The following PLD5 variants were observed in gnomAD, a reference collection of about 807,000 sequenced individuals.
PLD5 encodes inactive phospholipase D5.
Under a neutral mutation model 61.1 loss-of-function variants are expected in PLD5, and 36 were observed. The ratio of observed to expected loss-of-function variants is 0.59; its 90% CI spans 0.45 to 0.78. The LOEUF (loss-of-function observed/expected upper bound fraction) is 0.78. PLD5 is among the 30% of genes least tolerant of loss of function. The probability of loss-of-function intolerance (pLI) is 0.00; values close to 1 mark genes in which losing one functional copy is unlikely to be tolerated. For missense variants in PLD5, 515 were observed against 644.4 expected, an observed-to-expected ratio of 0.80 and a Z score of 2.17; for synonymous variants, 243 against 242.8, an observed-to-expected ratio of 1.00 and a Z score of -0.01.
chr1:242,387,178 C>T (rs1156258470), intron 1 of PLD5, among the ~76,000 whole-genome samples: 1 of 152,168 alleles, frequency 6.6e-6, no homozygotes, highest in Non-Finnish European at 1.5e-5. Flanking sequence ...TTCATTCTCA[C>T]CAAAGTGTCC....
At position 242,200,795 on chromosome 1, in the gene PLD5, G is replaced by C. The variant is rs113016668; in HGVS notation, c.735+19193C>G. Among the ~76,000 whole-genome samples, 298 of 152,268 alleles carry C rather than the reference G, an allele frequency of 2.0e-3. 3 individuals carry two copies. Among genetic ancestry groups the C allele is most frequent in the African/African-American group, 6.7e-3 (277 of 41,544 alleles). On this transcript the variant is annotated intron_variant, in intron 5 of 9. Coordinates refer to ENST00000536534, the MANE Select transcript of PLD5 (RefSeq NM_001372062.1). ...AGCCTGTCCTGCATCTCACGCAGGG[G>C]TGCAAGTGAAGATTAAATGAATCAG...
At chr1:242,317,899 G>A (rs1171899781) in intron 2 of PLD5, among the ~76,000 whole-genome samples, 2 of 152,116 alleles carry the variant, frequency 1.3e-5, no homozygotes, top group African/African-American at 4.8e-5. Context: ...TTCAATGGGG[G>A]ATCAGTGACA....
Position 242,280,509 on chromosome 1 carries a change from T to C in PLD5, c.495+7853A>G, listed in dbSNP as rs556787900. ...TAGACGGTAGGAAGTTTGCATAATA[T>C]AGTAGAAATATGTATAAGCCCTCAG... On this transcript the variant is annotated intron_variant, in intron 3 of 9. Coordinates refer to ENST00000536534, the MANE Select transcript of PLD5 (RefSeq NM_001372062.1). 3.9e-5 allele frequency among the ~76,000 whole-genome samples: 6 copies of C among 152,308 alleles called. No homozygotes were observed. The East Asian group carries it at 9.6e-4, about 24-fold the overall frequency.
chr1:242,227,795 T>C (rs1654121982), intron 4 of PLD5, among the ~76,000 whole-genome samples: 1 of 152,160 alleles, frequency 6.6e-6, no homozygotes. Context: ...AGGACATGAC[T>C]GTGTTTGTGA....
chr1:242,314,347 T>G (rs977544529), intron 2 of PLD5, among the ~76,000 whole-genome samples: 3 of 152,222 alleles, frequency 2.0e-5, no homozygotes, highest in African/African-American at 7.2e-5. Context: ...CTATCCTCAC[T>G]GTTGACAAGC....
intron 1 of PLD5, among the ~76,000 whole-genome samples, chr1:242,513,142 A>C (rs1344513110): frequency 6.6e-6 from 1 of 152,120 alleles, no homozygotes; most frequent in Non-Finnish European, 1.5e-5. Context: ...AGCCTCCCAA[A>C]GTGCTGGGAT....
intron 2 of PLD5, among the ~76,000 whole-genome samples, chr1:242,297,691 C>T (rs796133723): frequency 7.1e-6 from 1 of 140,108 alleles, no homozygotes; most frequent in Non-Finnish European, 1.5e-5. Flanking sequence ...GGACTGCGGA[C>T]TGCAGTGGCG....
chr1:242,348,926 C>G (rs527758718), intron 1 of PLD5, among the ~76,000 whole-genome samples: 1 of 152,034 alleles, frequency 6.6e-6, no homozygotes, highest in Non-Finnish European at 1.5e-5. Flanking sequence ...TGGTGGCAGG[C>G]GCCTGTAATC....
At chr1:242,278,460 A>G (rs1391500605) in intron 3 of PLD5, among the ~76,000 whole-genome samples, 1 of 152,198 alleles carries the variant, frequency 6.6e-6, no homozygotes, top group Non-Finnish European at 1.5e-5. Flanking sequence ...CCATAGAAAT[A>G]TGTTGGAAAG....
chr1:242,093,179 G>A (rs1302837584), intron 9 of PLD5, among the ~76,000 whole-genome samples: 1 of 152,200 alleles, frequency 6.6e-6, no homozygotes, highest in Non-Finnish European at 1.5e-5. Flanking sequence ...CTGATCGTGT[G>A]CTCTTAGACA....
At chr1:242,111,911 A>G (rs1157560722) in intron 7 of PLD5, among the ~76,000 whole-genome samples, 1 of 152,196 alleles carries the variant, frequency 6.6e-6, no homozygotes, top group African/African-American at 2.4e-5. Flanking sequence ...ATTCTTTAAC[A>G]TTCATTTTGT....
intron 5 of PLD5, among the ~76,000 whole-genome samples, chr1:242,163,255 TGCCTCA>T (rs1398081347): frequency 2.3e-4 from 34 of 149,366 alleles, no homozygotes; most frequent in African/African-American, 8.5e-4. Flanking sequence ...GCCATTCTCC[TGCCTCA>T]GCCTCCCGAG....
chr1:242,226,934 G>A (rs1267312470), intron 4 of PLD5, among the ~76,000 whole-genome samples: 1 of 152,022 alleles, frequency 6.6e-6, no homozygotes, highest in Non-Finnish European at 1.5e-5. Context: ...TTAACTAAAA[G>A]GTTATTAAAA....
intron 5 of PLD5, among the ~76,000 whole-genome samples, chr1:242,167,354 G>A (rs1198603153): frequency 7.2e-5 from 11 of 152,094 alleles, no homozygotes; most frequent in African/African-American, 1.7e-4. Flanking sequence ...AGGAGCAAAC[G>A]CACATCTTAC....
At chr1:242,103,018 G>A (rs1032749998) in intron 8 of PLD5, among the ~76,000 whole-genome samples, 6 of 152,186 alleles carry the variant, frequency 3.9e-5, no homozygotes, top group Non-Finnish European at 8.8e-5. Context: ...GTGCCCTAGT[G>A]GCAGGTGTGC....
chr1:242,106,797 G>A (rs1490088158), intron 8 of PLD5, among the ~76,000 whole-genome samples: 1 of 152,152 alleles, frequency 6.6e-6, no homozygotes, highest in African/African-American at 2.4e-5. Context: ...GCCAGATTCT[G>A]TTGAATGGCT....
chr1:242,512,297 C>G (rs576980884), intron 1 of PLD5, among the ~76,000 whole-genome samples: 6 of 151,294 alleles, frequency 4.0e-5, no homozygotes, highest in South Asian at 2.1e-4. Flanking sequence ...GCGGGTGCCT[C>G]TAGTCCCAGC....
At chr1:242,307,360 T>TGATGAC in intron 2 of PLD5, among the ~76,000 whole-genome samples, 1 of 81,678 alleles carries the variant, frequency 1.2e-5, no homozygotes. Flanking sequence ...GTGATGATGA[T>TGATGAC]GGTGATGATG....
chr1:242,371,480 TC>T (rs1422712487), intron 1 of PLD5, among the ~76,000 whole-genome samples: 1 of 152,070 alleles, frequency 6.6e-6, no homozygotes, highest in Non-Finnish European at 1.5e-5. Flanking sequence ...AAAACACCTT[TC>T]CCTATCACCT....
Sources: allele counts gnomAD v4.1 joint callset (sites outside exome capture counted in the v4.1 genomes callset), GRCh38; gene constraint gnomAD v4.1.1; transcripts MANE v1.5; gene names NCBI Gene and HGNC (gene_info 2026-07-23, HGNC 2026-07-21).